The following TDRD3 variants were observed in gnomAD, a reference collection of about 807,000 sequenced individuals.
TDRD3 encodes tudor domain containing 3.
A neutral mutation model predicts 86.7 loss-of-function variants in TDRD3; 45 were observed. The ratio of observed to expected loss-of-function variants is 0.52; its 90% CI spans 0.41 to 0.67. The LOEUF (loss-of-function observed/expected upper bound fraction) is 0.67. Ranked by LOEUF, TDRD3 falls within the 30% of genes least tolerant of loss-of-function variation. The probability of loss-of-function intolerance (pLI) is 0.00; values close to 1 mark genes in which losing one functional copy is unlikely to be tolerated. For missense variants in TDRD3, 814 were observed against 889.0 expected (o/e 0.92, Z 1.07); for synonymous variants, 298 against 301.7 (o/e 0.99, Z 0.13).
intron 8 of TDRD3, among the ~76,000 whole-genome samples, chr13:60,501,008 C>A (rs1220188523): frequency 6.6e-6 from 1 of 152,170 alleles, no homozygotes; most frequent in Non-Finnish European, 1.5e-5. Flanking sequence ...GAACTCCACT[C>A]ACCAAGGCTG....
intron 12 of TDRD3, chr13:60,538,085 TTAAATC>T (rs1290581073): frequency 3.4e-4 from 51 of 152,208 alleles, no homozygotes; most frequent in African/African-American, 1.2e-3. Context: ...AGTTAATACT[TTAAATC>T]TAAGTGTTAA....
At chr13:60,479,681 G>C (rs1193740946) in intron 5 of TDRD3, among the ~76,000 whole-genome samples, 1 of 152,204 alleles carries the variant, frequency 6.6e-6, no homozygotes, top group Non-Finnish European at 1.5e-5. Context: ...GTGCTCCAGT[G>C]TTGGGTATAT....
intron 4 of TDRD3, among the ~76,000 whole-genome samples, chr13:60,463,911 C>T (rs1955857616): frequency 6.6e-6 from 1 of 152,180 alleles, no homozygotes; most frequent in South Asian, 2.1e-4. Context: ...GGAGGTGGGG[C>T]CTAGTGGGAA....
intron 2 of TDRD3, among the ~76,000 whole-genome samples, chr13:60,444,176 A>G (rs929498502): frequency 9.9e-5 from 15 of 152,072 alleles, no homozygotes; most frequent in Non-Finnish European, 1.6e-4. Flanking sequence ...AAAGGTTACT[A>G]TAACTTCTTT....
chr13:60,464,487 G>A (rs750355896), intron 4 of TDRD3, among the ~76,000 whole-genome samples: 14 of 152,038 alleles, frequency 9.2e-5, no homozygotes, highest in Non-Finnish European at 1.6e-4. Flanking sequence ...CAATACCCAC[G>A]ATATGGAATC....
intron 3 of TDRD3, among the ~76,000 whole-genome samples, chr13:60,457,321 T>A (rs980834134): frequency 6.6e-6 from 1 of 152,198 alleles, no homozygotes. Flanking sequence ...AGTTAACAAG[T>A]ACAAGAGTGG....
chr13:60,487,857 G>A (rs1956482030), intron 7 of TDRD3, among the ~76,000 whole-genome samples: 2 of 152,106 alleles, frequency 1.3e-5, no homozygotes, highest in South Asian at 4.1e-4. Context: ...ATTGTTTTCT[G>A]TAATGGCTGC....
chr13:60,423,486 T>G (rs551704347), intron 1 of TDRD3, among the ~76,000 whole-genome samples: 1 of 152,318 alleles, frequency 6.6e-6, no homozygotes, highest in African/African-American at 2.4e-5. Context: ...GAGAAAATAC[T>G]CATTTTCTTA....
chr13:60,434,103 C>T (rs760384199), intron 1 of TDRD3: 2 of 152,110 alleles, frequency 1.3e-5, no homozygotes, highest in Non-Finnish European at 2.9e-5. Flanking sequence ...GATTCTAAGA[C>T]GGAATTTTGA....
intron 12 of TDRD3, among the ~76,000 whole-genome samples, chr13:60,542,160 G>A (rs1350983217): frequency 6.6e-6 from 1 of 152,058 alleles, no homozygotes; most frequent in Non-Finnish European, 1.5e-5. Flanking sequence ...TCCTGGAAGT[G>A]CAAATTTTAT....
intron 1 of TDRD3, among the ~76,000 whole-genome samples, chr13:60,419,934 T>C (rs1260005108): frequency 6.6e-6 from 1 of 152,080 alleles, no homozygotes; most frequent in African/African-American, 2.4e-5. Flanking sequence ...TTAATGTTTT[T>C]CCTATAAGTA....
chr13:60,555,976 T>G (rs61968689), intron 12 of TDRD3, among the ~76,000 whole-genome samples: 63,368 of 151,390 alleles, frequency 0.42, 13,841 homozygotes, highest in South Asian at 0.54. Flanking sequence ...TCAGCCTCCT[T>G]AGTAGCTGGG....
intron 4 of TDRD3, among the ~76,000 whole-genome samples, chr13:60,461,435 A>G (rs926068335): frequency 2.8e-4 from 43 of 152,110 alleles, no homozygotes; most frequent in African/African-American, 1.0e-3. Flanking sequence ...TCTATTCTTG[A>G]TATTTCCATT....
At chr13:60,401,719 G>A (rs1666632557) in intron 1 of TDRD3, among the ~76,000 whole-genome samples, 1 of 152,144 alleles carries the variant, frequency 6.6e-6, no homozygotes, top group Non-Finnish European at 1.5e-5. Context: ...GGATGGAGAG[G>A]ATAAACAAAG....
At chr13:60,423,772 A>C (rs868300547) in intron 1 of TDRD3, among the ~76,000 whole-genome samples, 7 of 152,160 alleles carry the variant, frequency 4.6e-5, no homozygotes, top group African/African-American at 1.4e-4. Context: ...TTTATATCAT[A>C]ATTTATGTGG....
chr13:60,546,297 T>C (rs1957939340), intron 12 of TDRD3, among the ~76,000 whole-genome samples: 1 of 152,140 alleles, frequency 6.6e-6, no homozygotes. Flanking sequence ...TGTTGTATTC[T>C]TTAGAAATTA....
At chr13:60,524,923 C>T (rs1212036808) in intron 10 of TDRD3, among the ~76,000 whole-genome samples, 4 of 151,420 alleles carry the variant, frequency 2.6e-5, no homozygotes, top group South Asian at 2.1e-4. Context: ...CCCGTCTCTA[C>T]TAAAAATACA....
At chr13:60,528,193 A>G (rs949333884) in intron 10 of TDRD3, among the ~76,000 whole-genome samples, 174 bp from the exon 11 acceptor site, 1 of 152,204 alleles carries the variant, frequency 6.6e-6, no homozygotes, top group African/African-American at 2.4e-5. Flanking sequence ...TGTACATTAG[A>G]AATGCAGGAC....
chr13:60,561,317 G>C (rs1233797532), intron 12 of TDRD3, among the ~76,000 whole-genome samples: 1 of 152,090 alleles, frequency 6.6e-6, no homozygotes, highest in Non-Finnish European at 1.5e-5. Flanking sequence ...AGAGCCAGAG[G>C]CCTGCATTCC....
Sources: gnomAD v4.1 joint callset for allele counts (sites outside exome capture counted in the v4.1 genomes callset) on GRCh38, gnomAD v4.1.1 for gene constraint, MANE v1.5 for transcripts, NCBI Gene and HGNC (gene_info 2026-07-23, HGNC 2026-07-21) for gene names.